GALNT16: variants seen among roughly 807,000 people sequenced by gnomAD.
GALNT16 encodes polypeptide N-acetylgalactosaminyltransferase 16.
Under a neutral mutation model 76.1 loss-of-function variants are expected in GALNT16, and 40 were observed. That is an observed-to-expected ratio of 0.53 (90% CI 0.41 to 0.68). GALNT16 has a LOEUF of 0.68. Ranked by LOEUF, GALNT16 falls within the 30% of genes least tolerant of loss-of-function variation. The pLI is 0.00. For missense variants in GALNT16, 621 were observed against 731.9 expected, an observed-to-expected ratio of 0.85 and a Z score of 1.75; for synonymous variants, 276 against 285.2, an observed-to-expected ratio of 0.97 and a Z score of 0.32.
intron 1 of GALNT16, among the ~76,000 whole-genome samples, chr14:69,294,067 T>A (rs1007941208): frequency 6.6e-6 from 1 of 152,048 alleles, no homozygotes; most frequent in Non-Finnish European, 1.5e-5. Context: ...ATTTTTGTAT[T>A]TTTAGTAGAG....
At chr14:69,263,966 C>T (rs554734488) in intron 1 of GALNT16, among the ~76,000 whole-genome samples, 91 of 152,334 alleles carry the variant, frequency 6.0e-4, no homozygotes, top group African/African-American at 1.5e-3. Flanking sequence ...AGGACAGCAG[C>T]CAAACTGGGA....
chr14:69,325,905 C>A (rs1298288959), intron 4 of GALNT16, 57 bp from the exon 5 acceptor site: 7 of 1,387,244 alleles, frequency 5.0e-6, no homozygotes, highest in Non-Finnish European at 6.2e-6. Flanking sequence ...GCAGCCAAAC[C>A]ACTAGTGGCC....
chr14:69,260,547 G>C (rs541256655), intron 1 of GALNT16, 80 bp downstream of exon 1: 16 of 1,059,656 alleles, frequency 1.5e-5, no homozygotes, highest in African/African-American at 1.3e-4. Flanking sequence ...CCGAGGGCGC[G>C]GGGCCCGGCC....
At chr14:69,375,512 C>T in the GALNT16 span, among the ~76,000 whole-genome samples, 1 of 152,200 alleles carries the variant, frequency 6.6e-6, no homozygotes, top group African/African-American at 2.4e-5. Flanking sequence ...CAACAAAAGC[C>T]TGTAGATGAA....
intron 5 of GALNT16, 75 bp from the exon 6 acceptor site, chr14:69,328,375 C>G: frequency 6.6e-7 from 1 of 1,516,002 alleles, no homozygotes; most frequent in South Asian, 1.2e-5. Flanking sequence ...AGAGGAGAGC[C>G]TTGGGACTTT....
In GALNT16 at chr14:69,325,185, A is replaced by G. The variant is rs2045263183; in HGVS notation, c.435-152A>G. ...GAACTCCCATCTCCCCATTTCCTCA[A>G]TGAACTTAGACAAGAATAGGATTCA... On this transcript the variant is annotated intron_variant, in intron 3 of 14. Transcript: ENST00000448469. The G allele has an allele frequency of 1.4e-5, 9 of 637,460 alleles. No homozygotes were observed. In the South Asian group the frequency reaches 1.6e-4, roughly 12 times the overall value. The allele number at this position is 637,460 out of a possible 1,614,324, so 39.5% of individuals were successfully genotyped here.
At chr14:69,328,667 G>A (rs907328798) in intron 6 of GALNT16, 96 bp downstream of exon 6, 9 of 1,325,892 alleles carry the variant, frequency 6.8e-6, no homozygotes, top group Non-Finnish European at 8.3e-6. Flanking sequence ...AAGCTGGGCA[G>A]GCATCGTAGG....
chr14:69,274,541 T>A (rs34842688), intron 1 of GALNT16, among the ~76,000 whole-genome samples: 1 of 151,872 alleles, frequency 6.6e-6, no homozygotes, highest in African/African-American at 2.4e-5. Context: ...GCAAAAGACC[T>A]CAGTTCTCCA....
chr14:69,358,937 TTTTGCTGTTTC>T (rs1340221878), downstream of GALNT16: 1 of 152,306 alleles, frequency 6.6e-6, no homozygotes, highest in African/African-American at 2.4e-5. Context: ...TTGTTTGTGC[TTTTGCTGTTTC>T]TTCTGCCCCA....
chr14:69,270,700 T>C (rs1007797406), intron 1 of GALNT16, among the ~76,000 whole-genome samples: 4 of 152,146 alleles, frequency 2.6e-5, no homozygotes, highest in African/African-American at 9.7e-5. Flanking sequence ...GCCTCACACA[T>C]CTGTGACCTG....
chr14:69,273,991 G>A (rs1594812619), intron 1 of GALNT16, among the ~76,000 whole-genome samples: 1 of 152,220 alleles, frequency 6.6e-6, no homozygotes, highest in Non-Finnish European at 1.5e-5. Context: ...TCAGGATGCA[G>A]CATAGCGTAG....
At chr14:69,270,385 G>A (rs141883185) in intron 1 of GALNT16, among the ~76,000 whole-genome samples, 9 of 152,278 alleles carry the variant, frequency 5.9e-5, no homozygotes, top group Non-Finnish European at 1.0e-4. Context: ...ACACAGTGTC[G>A]TGTGTCTCTG....
intron 1 of GALNT16, among the ~76,000 whole-genome samples, chr14:69,283,553 A>G (rs2044571518): frequency 6.6e-6 from 1 of 152,120 alleles, no homozygotes; most frequent in Non-Finnish European, 1.5e-5. Flanking sequence ...GAGCTTTTCC[A>G]AGGTAGGATA....
At position 69,325,403 on chromosome 14, in the gene GALNT16, T is replaced by C. The variant is rs768155078; in HGVS notation, c.501T>C (p.Asp167=). 1.3e-6 allele frequency: 2 copies of C among 1,566,092 alleles called. No individual in the cohort carries two copies. Among genetic ancestry groups the C allele is most frequent in the East Asian group, 2.2e-5 (1 of 44,678 alleles). ...TTTTAGTGGATGACTTCAGCTCAGA[T>C]CGTGAGTAGTCACCTTCCTTTTTGC... ...EIILVDDFSS[D]PEDCLLLTRI... Residue 167 remains aspartate, a splice_region_variant and synonymous_variant, in exon 4 of 15, where the codon GAT becomes GAC. Coordinates refer to ENST00000448469, the MANE Select transcript of GALNT16 (RefSeq NM_001168368.2).
At chr14:69,372,380 A>G in the GALNT16 span, among the ~76,000 whole-genome samples, 1 of 152,076 alleles carries the variant, frequency 6.6e-6, no homozygotes, top group Non-Finnish European at 1.5e-5. Flanking sequence ...TGGAATCCCA[A>G]TATCTACACT....
At chr14:69,361,032 T>C (rs563137579), downstream of GALNT16, among the ~76,000 whole-genome samples, 278 of 152,334 alleles carry the variant, frequency 1.8e-3, 1 homozygote, top group Non-Finnish European at 3.5e-3. Flanking sequence ...CTGAACCAGC[T>C]GCCACATGCC....
the GALNT16 span, among the ~76,000 whole-genome samples, chr14:69,383,735 T>C: frequency 2.0e-5 from 3 of 152,240 alleles, no homozygotes; most frequent in Admixed American, 2.0e-4. Flanking sequence ...GGAAATACTG[T>C]AGGTGGGAAG....
At chr14:69,288,309 C>T (rs760413946) in intron 1 of GALNT16, among the ~76,000 whole-genome samples, 6 of 152,192 alleles carry the variant, frequency 3.9e-5, no homozygotes, top group African/African-American at 4.8e-5. Flanking sequence ...CCCCCTGCTG[C>T]GTCTTTAGAA....
chr14:69,322,479 C>G (rs2045202878), intron 2 of GALNT16, among the ~76,000 whole-genome samples: 1 of 152,232 alleles, frequency 6.6e-6, no homozygotes, highest in African/African-American at 2.4e-5. Flanking sequence ...CAGGTGCTCA[C>G]TGAGAAACTT....
Sources: gnomAD v4.1 joint callset for allele counts (sites outside exome capture counted in the v4.1 genomes callset) on GRCh38, gnomAD v4.1.1 for gene constraint, MANE v1.5 for transcripts, NCBI Gene and HGNC (gene_info 2026-07-23, HGNC 2026-07-21) for gene names.